Variants in CCDC171 observed in about 807,000 individuals in gnomAD.
CCDC171 encodes coiled-coil domain containing 171.
CCDC171 carries 177 observed loss-of-function variants against 168.2 expected under a neutral mutation model. That is an observed-to-expected ratio of 1.05 (90% CI 0.93 to 1.19). The LOEUF (loss-of-function observed/expected upper bound fraction) is 1.19, where lower values mean the gene tolerates loss of function less well. Among genes scored for constraint, CCDC171 ranks in the 50% most tolerant of loss-of-function variants. The pLI, the probability that CCDC171 is intolerant of heterozygous loss-of-function variation, is 0.00. For missense variants in CCDC171, 1,991 were observed against 1,539.0 expected (o/e 1.29, Z -4.91); for synonymous variants, 687 against 540.8 (o/e 1.27, Z -3.75).
At chr9:15,986,186 A>G (rs937000919) in intron 3 of CCDC171, among the ~76,000 whole-genome samples, 1 of 152,252 alleles carries the variant, frequency 6.6e-6, no homozygotes, top group Non-Finnish European at 1.5e-5. Context: ...TAAAATACAT[A>G]TTGATCTGCT....
chr9:15,561,069 C>G (rs1444652980), intron 1 of CCDC171, among the ~76,000 whole-genome samples: 3 of 152,192 alleles, frequency 2.0e-5, no homozygotes, highest in South Asian at 2.1e-4. Context: ...TTGTGTCGCT[C>G]ACGCTGGGAG....
chr9:15,829,630 A>T (rs181926059), intron 21 of CCDC171, among the ~76,000 whole-genome samples: 1 of 152,152 alleles, frequency 6.6e-6, no homozygotes, highest in African/African-American at 2.4e-5. Context: ...TGCTAAAAGA[A>T]CTATGTAGGC....
chr9:15,607,079 C>G (rs577129386), intron 6 of CCDC171, among the ~76,000 whole-genome samples: 1 of 152,240 alleles, frequency 6.6e-6, no homozygotes, highest in Non-Finnish European at 1.5e-5. Context: ...CATTGCATCT[C>G]AGGATTGGAT....
intron 2 of CCDC171, among the ~76,000 whole-genome samples, chr9:15,564,564 C>G (rs946826996): frequency 6.6e-6 from 1 of 152,190 alleles, no homozygotes; most frequent in Non-Finnish European, 1.5e-5. Context: ...GTTTCGCTTC[C>G]TTACTTGGTA....
chr9:15,783,761 C>T (rs1205536076), intron 20 of CCDC171, among the ~76,000 whole-genome samples: 4 of 152,144 alleles, frequency 2.6e-5, no homozygotes, highest in African/African-American at 9.7e-5. Flanking sequence ...CTGTGCCCTC[C>T]AAAGCAGTCA....
chr9:16,084,683 G>T, the CCDC171 span, among the ~76,000 whole-genome samples: 1 of 152,152 alleles, frequency 6.6e-6, no homozygotes, highest in Non-Finnish European at 1.5e-5. Context: ...TGCCATGGGG[G>T]CCCCCAGGAA....
chr9:15,603,016 C>T (rs939966125), intron 6 of CCDC171, among the ~76,000 whole-genome samples: 1 of 151,880 alleles, frequency 6.6e-6, no homozygotes, highest in African/African-American at 2.4e-5. Context: ...GAGTCTCACT[C>T]TGTCACCCAG....
chr9:15,572,845 A>G (rs564780136), intron 3 of CCDC171, among the ~76,000 whole-genome samples: 107 of 152,316 alleles, frequency 7.0e-4, no homozygotes, highest in African/African-American at 2.5e-3. Flanking sequence ...ATAGGCCGTC[A>G]GTAGTTGTGT....
chr9:15,699,258 T>C (rs997067853), intron 11 of CCDC171, among the ~76,000 whole-genome samples: 2 of 152,102 alleles, frequency 1.3e-5, no homozygotes, highest in Non-Finnish European at 2.9e-5. Flanking sequence ...GAGTTGTTCG[T>C]TCCTCCCGGT....
chr9:16,090,862 G>A, the CCDC171 span, among the ~76,000 whole-genome samples: 5 of 152,208 alleles, frequency 3.3e-5, no homozygotes, highest in Non-Finnish European at 5.9e-5. Context: ...AAGAAAAATA[G>A]CATTCCTTTT....
chr9:15,996,058 C>T (rs1050514916), intron 3 of CCDC171, among the ~76,000 whole-genome samples: 1 of 152,204 alleles, frequency 6.6e-6, no homozygotes, highest in Non-Finnish European at 1.5e-5. Context: ...TAAGATGTTT[C>T]ACACTTACAC....
intron 25 of CCDC171, among the ~76,000 whole-genome samples, chr9:15,951,183 T>G (rs920743928): frequency 4.2e-4 from 63 of 150,598 alleles, no homozygotes; most frequent in African/African-American, 1.5e-3. Flanking sequence ...TGGGAGACTT[T>G]AACACCCCAC....
intron 3 of CCDC171, among the ~76,000 whole-genome samples, chr9:16,002,782 G>A (rs1832591629): frequency 6.6e-6 from 1 of 152,080 alleles, no homozygotes; most frequent in South Asian, 2.1e-4. Context: ...CTCTGTAGTT[G>A]TACCATTTTT....
chr9:15,695,229 T>G lies in CCDC171; in HGVS notation c.1216-6T>G. On this transcript the variant is annotated splice_region_variant and splice_polypyrimidine_tract_variant and intron_variant, in intron 10 of 25. Transcript: ENST00000380701. ...CCTTATGTGTAATTTTTTTCTTAAT[T>G]AAAAGGCTAAGAAGCACCAGGCCTT... 6.2e-7 allele frequency: 1 copy of G among 1,609,626 alleles called. No homozygotes were observed. Among genetic ancestry groups the G allele is most frequent in the Non-Finnish European group, 8.5e-7 (1 of 1,176,088 alleles).
rs200115738 is a variant in CCDC171, at chr9:15,623,393, C to A, written c.802C>A (p.Arg268Ser). 3.1e-6 allele frequency: 5 copies of A among 1,604,492 alleles called. No individual in the cohort carries two copies. Among genetic ancestry groups the A allele is most frequent in the Non-Finnish European group, 4.3e-6 (5 of 1,174,282 alleles). Residue 268 changes from arginine to serine, a missense_variant, in exon 7 of 26, where the codon CGC becomes AGC. Physicochemically the swap from Arg to Ser is moderately radical, Grantham distance 110 (BLOSUM62 -1). Transcript: ENST00000380701. ...TGAATTTAGCACTCAACGAGAGGAA[C>A]GCCTTAGAAAAGAATTTGAGGTACA... ...ELEFSTQREE[R>S]LRKEFEATTL...
intron 16 of CCDC171, among the ~76,000 whole-genome samples, chr9:15,743,251 A>C (rs1459406080): frequency 1.4e-5 from 2 of 140,256 alleles, no homozygotes; most frequent in Non-Finnish European, 3.0e-5. Flanking sequence ...CTGCAGCCTC[A>C]ACCTCCTGGA....
chr9:15,568,780 C>T (rs921487176), intron 2 of CCDC171, among the ~76,000 whole-genome samples: 2 of 151,788 alleles, frequency 1.3e-5, no homozygotes, highest in African/African-American at 4.8e-5. Context: ...GTTTAAGTTG[C>T]TTATAGATGC....
intron 10 of CCDC171, among the ~76,000 whole-genome samples, chr9:15,682,671 A>G (rs1488508659): frequency 6.6e-6 from 1 of 151,894 alleles, no homozygotes; most frequent in African/African-American, 2.4e-5. Context: ...ATGGTATATA[A>G]TTATTGTTTT....
chr9:15,890,718 A>G (rs895997835), intron 24 of CCDC171, among the ~76,000 whole-genome samples: 2 of 152,296 alleles, frequency 1.3e-5, no homozygotes, highest in African/African-American at 4.8e-5. Context: ...TTTATTAAAT[A>G]TGTGCAATTC....
Sources: gnomAD v4.1 joint callset for allele counts (sites outside exome capture counted in the v4.1 genomes callset) on GRCh38, gnomAD v4.1.1 for gene constraint, MANE v1.5 for transcripts, NCBI Gene and HGNC (gene_info 2026-07-23, HGNC 2026-07-21) for gene names.